The following IRX2 variants were observed in gnomAD, a reference collection of about 807,000 sequenced individuals.
IRX2 encodes the protein iroquois homeobox 2.
In IRX2, 26 loss-of-function variants were observed where a neutral mutation model predicts 42.9. The ratio of observed to expected loss-of-function variants is 0.61; its 90% confidence interval spans 0.44 to 0.84. The LOEUF (loss-of-function observed/expected upper bound fraction) is 0.84, where lower values mean the gene tolerates loss of function less well. IRX2 is among the 40% of genes least tolerant of loss of function. The pLI is 0.00. For synonymous variants in IRX2, 424 were observed against 353.9 expected, an observed-to-expected ratio of 1.20 and a Z score of -2.22; for missense variants, 782 against 713.9, an observed-to-expected ratio of 1.10 and a Z score of -1.09.
chr5:2,750,953 C>A (rs1737936145), intron 1 of IRX2, among the ~76,000 whole-genome samples: 2 of 151,838 alleles, frequency 1.3e-5, no homozygotes, highest in African/African-American at 4.8e-5. Context: ...GGGTCCCGGC[C>A]GGGCTCAGGG....
downstream of IRX2, among the ~76,000 whole-genome samples, chr5:2,741,266 C>T (rs1019357119): frequency 2.6e-5 from 4 of 152,234 alleles, no homozygotes; most frequent in East Asian, 7.7e-4. Context: ...CTTTATGGGC[C>T]TCAGACCTGT....
At chr5:2,739,160 G>A in the IRX2 span, among the ~76,000 whole-genome samples, 1 of 152,238 alleles carries the variant, frequency 6.6e-6, no homozygotes, top group Non-Finnish European at 1.5e-5. Context: ...GCTCCCTGAA[G>A]AAGAGAACAA....
At chr5:2,750,837 G>A (rs535123972) in intron 1 of IRX2, among the ~76,000 whole-genome samples, 76 of 152,324 alleles carry the variant, frequency 5.0e-4, no homozygotes, top group African/African-American at 1.7e-3. Context: ...CTGCGGTGCG[G>A]AAACCAGGGA....
At chr5:2,737,511 C>T in the IRX2 span, among the ~76,000 whole-genome samples, 5 of 152,168 alleles carry the variant, frequency 3.3e-5, no homozygotes, top group Non-Finnish European at 7.3e-5. Context: ...AAGAGATGGG[C>T]TTTCAGGGGC....
In IRX2 at chr5:2,749,396, G is replaced by A. The variant is rs747627856; in HGVS notation, c.641C>T (p.Ser214Leu). 1 of 1,610,548 alleles carries A rather than the reference G, an allele frequency of 6.2e-7. No individual in the cohort carries two copies. Among genetic ancestry groups the A allele is most frequent in the South Asian group, 1.1e-5 (1 of 90,902 alleles). Residue 214 changes from serine (S) to leucine (L), a missense_variant, in exon 2 of 4, where the codon TCG becomes TTG. This residue lies in a region of IRX2 where 520 missense variants were observed against 437.8 expected (regional missense o/e 1.19). Coordinates refer to ENST00000302057, the MANE Select transcript of IRX2 (RefSeq NM_033267.5). ...PDKAQEGTET[S>L]AEDEGISLHV... is the part of the protein sequence containing the mutation. ...TGCCCGCTCACCTTCGTCCTCTGCC[G>A]AGGTCTCCGTGCCCTCCTGCGCCTT...
At position 2,747,608 on chromosome 5, in the gene IRX2, C is replaced by G; in HGVS notation, c.1372G>C (p.Glu458Gln). ...GGYEPKKDASEGCTVVGGGVQ... is the reference protein window; with the variant it reads ...GGYEPKKDASQGCTVVGGGVQ... ...CCCCCGCCAACCACGGTGCAGCCCT[C>G]GCTGGCATCTGTCAGGGGAGTGGGC... Residue 458 changes from glutamate to glutamine, a missense_variant, in exon 4 of 4, where the codon GAG becomes CAG. This residue lies in a region of IRX2 where 520 missense variants were observed against 437.8 expected (regional missense o/e 1.19). Coordinates refer to ENST00000302057, the MANE Select transcript of IRX2 (RefSeq NM_033267.5). 6.8e-6 allele frequency: 11 copies of G among 1,613,986 alleles called. No individual in the cohort carries two copies. Among genetic ancestry groups the G allele is most frequent in the Non-Finnish European group, 9.3e-6 (11 of 1,179,952 alleles).
the IRX2 span, among the ~76,000 whole-genome samples, chr5:2,739,829 G>C: frequency 2.0e-5 from 3 of 152,332 alleles, no homozygotes; most frequent in East Asian, 3.9e-4. Context: ...GGGAGCAGGG[G>C]GACTGGGAGG....
chr5:2,747,313 A>ATG lies in IRX2; in HGVS notation c.*250_*251insCA, dbSNP rs1255159874. The ATG allele has an allele frequency of 1.9e-4, 48 of 257,266 alleles. No individual in the cohort carries two copies. Among genetic ancestry groups the ATG allele is most frequent in the African/African-American group, 1.1e-3 (38 of 33,088 alleles). The allele number at this position is 257,266 out of a possible 1,614,324, so 15.9% of individuals were successfully genotyped here. A position where few individuals can be genotyped will look rare whatever the true frequency, so the allele number is the denominator to read the frequency against. ...TACACACACACACACACACATATAT[A>ATG]TATATATTTTTTTTTTCCTTCCCTA... On this transcript the variant is annotated 3_prime_UTR_variant, in exon 4 of 4. Coordinates refer to ENST00000302057, the MANE Select transcript of IRX2 (RefSeq NM_033267.5).
chr5:2,747,249 C>CTA lies in IRX2; in HGVS notation c.*313_*314dup, dbSNP rs1255507861. The CTA allele has an allele frequency of 1.2e-5, 2 of 168,694 alleles. No individual in the cohort carries two copies. The highest frequency in any genetic ancestry group is 2.5e-5 in the Non-Finnish European group (2 of 79,788). The allele number at this position is 168,694 out of a possible 1,614,324, so 10.4% of individuals were successfully genotyped here. A position where few individuals can be genotyped will look rare whatever the true frequency, so the allele number is the denominator to read the frequency against. ...TGTGTAATATATATATACACATGTA[C>CTA]TATATATATACATGTACTATATATA... On this transcript the variant is annotated 3_prime_UTR_variant, in exon 4 of 4. Coordinates refer to ENST00000302057, the MANE Select transcript of IRX2 (RefSeq NM_033267.5).
Position 2,751,385 on chromosome 5 carries a change from TG to T in IRX2, c.28del (p.Gln10ArgfsTer85). MSYPQGYLY[Q>X]APGSLALYSC... ...GTAGAGCGCCAGCGAGCCGGGCGCC[TG>T]GTACAGGTAGCCCTGCGGGTAGGAC... On this transcript the variant is annotated frameshift_variant, in exon 1 of 4. Transcript: ENST00000302057. LOFTEE classifies it high-confidence loss of function. This position sits in a 1 kb window ranked among gnomAD's most constrained non-coding sequence, Gnocchi z 4.0. 7.1e-7 allele frequency: 1 copy of T among 1,417,830 alleles called. No individual in the cohort carries two copies. The highest frequency in any genetic ancestry group is 9.2e-7 in the Non-Finnish European group (1 of 1,084,668). 87.8% of individuals were successfully genotyped at this position (1,417,830 alleles called of 1,614,324 possible). A position where few individuals can be genotyped will look rare whatever the true frequency, so the allele number is the denominator to read the frequency against.
Position 2,749,519 on chromosome 5 carries a change from T to C in IRX2, c.518A>G (p.Lys173Arg). 6.2e-7 allele frequency: 1 copy of C among 1,614,176 alleles called. No homozygotes were observed. The highest frequency in any genetic ancestry group is 8.5e-7 in the Non-Finnish European group (1 of 1,180,018). The change falls in exon 2 of 4, where the codon AAG (lysine) becomes AGG (arginine). Residue 173 changes from lysine (K) to arginine (R), a missense_variant. This residue lies in a region of IRX2 where 6 missense variants were observed against 26.1 expected (regional missense o/e 0.23). Coordinates refer to ENST00000302057, the MANE Select transcript of IRX2 (RefSeq NM_033267.5). Reference protein sequence around the residue: ...TWFANARRRLKKENKMTWAPR... With the variant: ...TWFANARRRLRKENKMTWAPR... ...GGCCCAGGTCATCTTGTTCTCCTTC[T>C]TGAGGCGCCGGCGCGCGTTGGCGAA...
the IRX2 span, among the ~76,000 whole-genome samples, chr5:2,739,056 C>T: frequency 6.6e-6 from 1 of 152,242 alleles, no homozygotes; most frequent in Admixed American, 6.5e-5. Flanking sequence ...ATCACCACCT[C>T]CAGGCAGCCC....
chr5:2,751,375 G>C lies in IRX2; in HGVS notation c.39C>G (p.Gly13=), dbSNP rs1373637685. 7.0e-6 allele frequency: 10 copies of C among 1,425,880 alleles called. No individual in the cohort carries two copies. Among genetic ancestry groups the C allele is most frequent in the African/African-American group, 3.0e-5 (2 of 66,408 alleles). The allele number at this position is 1,425,880 out of a possible 1,614,324, so 88.3% of individuals were successfully genotyped here. A position where few individuals can be genotyped will look rare whatever the true frequency, so the allele number is the denominator to read the frequency against. The change falls in exon 1 of 4, where the codon GGC becomes GGG. Residue 13 remains glycine, a synonymous_variant. Transcript: ENST00000302057. The surrounding 1 kb of genome is among the most constrained non-coding windows in gnomAD (Gnocchi z 4.0). The part of the protein sequence containing the change: ...YPQGYLYQAP[G]SLALYSCPAY... ...CCGGGCACGAGTAGAGCGCCAGCGA[G>C]CCGGGCGCCTGGTACAGGTAGCCCT... is the stretch of plus-strand genomic sequence containing the variant.
chr5:2,739,055 TC>T, the IRX2 span, among the ~76,000 whole-genome samples: 1 of 152,026 alleles, frequency 6.6e-6, no homozygotes, highest in Non-Finnish European at 1.5e-5. Flanking sequence ...CATCACCACC[TC>T]CAGGCAGCCC....
At position 2,748,445 on chromosome 5, in the gene IRX2, C is replaced by T; in HGVS notation, c.1263G>A (p.Leu421=). The change falls in exon 3 of 4, where the codon CTG becomes CTA. Residue 421 remains leucine, a synonymous_variant. Transcript: ENST00000302057. ...NSAAAAPGEA[L]HTAPKAASDA... is the part of the protein sequence containing the mutation. ...CGCTGGCCGCCTTTGGCGCGGTGTG[C>T]AGGGCCTCGCCGGGGGCCGCGGCCG... 6.4e-7 allele frequency: 1 copy of T among 1,564,082 alleles called. No homozygotes were observed. Among genetic ancestry groups the T allele is most frequent in the Admixed American group, 1.9e-5 (1 of 53,888 alleles).
At position 2,746,297 on chromosome 5, in the gene IRX2, G is replaced by A. The variant is rs1737663435; in HGVS notation, c.*1267C>T. The A allele has an allele frequency of 6.6e-6, 1 of 152,202 alleles. No individual in the cohort carries two copies. The highest frequency in any genetic ancestry group is 2.4e-5 in the African/African-American group (1 of 41,544). 9.4% of individuals were successfully genotyped at this position (152,202 alleles called of 1,614,324 possible). ...ACCAGGCAGAATTTATTTACAAAAA[G>A]TTTAGATTCCATTGCAATACAACTT... On this transcript the variant is annotated 3_prime_UTR_variant, in exon 4 of 4. Transcript: ENST00000302057.
chr5:2,749,185 A>G (rs1349444333), intron 2 of IRX2, 133 bp from the exon 3 acceptor site: 4 of 1,471,674 alleles, frequency 2.7e-6, no homozygotes, highest in Non-Finnish European at 3.6e-6. Flanking sequence ...GCCACGTGAC[A>G]GGCGGAGCCT....
chr5:2,747,853 A>G (rs1270022107), intron 3 of IRX2, among the ~76,000 whole-genome samples: 2 of 152,332 alleles, frequency 1.3e-5, no homozygotes, highest in African/African-American at 4.8e-5. Flanking sequence ...AGCACAGGGG[A>G]AAAAACGGTT....
In IRX2 at chr5:2,748,507, C is replaced by A. The variant is rs146471833; in HGVS notation, c.1201G>T (p.Ala401Ser). The A allele has an allele frequency of 4.2e-4, 661 of 1,582,840 alleles. 1 individual carries two copies. The highest frequency in any genetic ancestry group is 4.7e-4 in the Non-Finnish European group (546 of 1,165,864). The change falls in exon 3 of 4, where the codon GCG becomes TCG. Residue 401 changes from alanine to serine, a missense_variant. Ala to Ser is a moderately conservative substitution (Grantham distance 99). This residue lies in a region of IRX2 where 520 missense variants were observed against 437.8 expected (regional missense o/e 1.19). Coordinates refer to ENST00000302057, the MANE Select transcript of IRX2 (RefSeq NM_033267.5). ...CGCAGGAGACCCTGGCCCTGCAGCG[C>A]CGCGTTCAAGTTCCCGTAGTTTGTG... ...NYTNYGNLNAALQGQGLLRYN... is the reference protein window; with the variant it reads ...NYTNYGNLNASLQGQGLLRYN...
Sources: gnomAD v4.1 joint callset for allele counts (sites outside exome capture counted in the v4.1 genomes callset) on GRCh38, gnomAD v4.1.1 for gene constraint, gnomAD v4.1.1 regional missense constraint, Gnocchi (gnomAD v3.1) non-coding constraint, MANE v1.5 for transcripts, NCBI Gene and HGNC (gene_info 2026-07-23, HGNC 2026-07-21) for gene names.